Variants in ALS2CL observed in about 807,000 individuals in gnomAD.
ALS2CL encodes ALS2 C-terminal like.
ALS2CL carries 112 observed loss-of-function variants against 127.9 expected under a neutral mutation model. The ratio of observed to expected loss-of-function variants is 0.88; its 90% confidence interval spans 0.75 to 1.02. The LOEUF (loss-of-function observed/expected upper bound fraction) is 1.02, where lower values mean the gene tolerates loss of function less well. Among genes scored for constraint, ALS2CL ranks in the 50% least tolerant of loss-of-function variants. The pLI, the probability that ALS2CL is intolerant of heterozygous loss-of-function variation, is 0.00. For synonymous variants in ALS2CL, 519 were observed against 527.6 expected (o/e 0.98, Z 0.22); for missense variants, 1,174 against 1,236.7 (o/e 0.95, Z 0.76).
In ALS2CL at chr3:46,675,905, T is replaced by G. The variant is rs566544173; in HGVS notation, c.2187-219A>C. 22 of 1,432,368 alleles carry G rather than the reference T, an allele frequency of 1.5e-5. No homozygotes were observed. In the African/African-American group the frequency reaches 3.0e-4, roughly 20 times the overall value. The allele number at this position is 1,432,368 out of a possible 1,614,324, so 88.7% of individuals were successfully genotyped here. A position where few individuals can be genotyped will look rare whatever the true frequency, so the allele number is the denominator to read the frequency against. ...GAACTATAGCATCTAAGGCTTCTATTTGCAGTGTTTCATGGGGTCACAGCC... is the reference window on the plus strand; with the variant it reads ...GAACTATAGCATCTAAGGCTTCTATGTGCAGTGTTTCATGGGGTCACAGCC... On this transcript the variant is annotated intron_variant, in intron 19 of 25. Transcript: ENST00000318962.
At chr3:46,690,275 G>C (rs1388252041) in intron 1 of ALS2CL, among the ~76,000 whole-genome samples, 1 of 152,250 alleles carries the variant, frequency 6.6e-6, no homozygotes, top group African/African-American at 2.4e-5. Context: ...CAGGCAGTGA[G>C]AGAGAGTTCA....
chr3:46,684,855 G>T (rs1379346195), intron 7 of ALS2CL, among the ~76,000 whole-genome samples: 1 of 152,234 alleles, frequency 6.6e-6, no homozygotes, highest in Non-Finnish European at 1.5e-5. Context: ...AGGGGACACA[G>T]GTCTAGGCTG....
intron 13 of ALS2CL, 96 bp from the exon 14 acceptor site, chr3:46,680,637 AG>A: frequency 9.5e-7 from 1 of 1,052,698 alleles, no homozygotes; most frequent in South Asian, 1.4e-5. Context: ...AGTGCAGATA[AG>A]GGGCAGTGAC....
chr3:46,682,116 C>G (rs1435703767), intron 10 of ALS2CL, 22 bp from the exon 11 acceptor site: 2 of 1,612,412 alleles, frequency 1.2e-6, no homozygotes, highest in South Asian at 2.2e-5. Flanking sequence ...TGGAGGTTCA[C>G]GAGCCTCAGG....
At chr3:46,687,182 C>A in intron 4 of ALS2CL, 34 bp from the exon 5 acceptor site, 1 of 1,493,170 alleles carries the variant, frequency 6.7e-7, no homozygotes, top group South Asian at 1.3e-5. Context: ...CCACCTTCAC[C>A]CCTTCCTCCA....
At position 46,671,890 on chromosome 3, in the gene ALS2CL, C is replaced by T. The variant is rs143737668; in HGVS notation, c.2678G>A (p.Arg893His). 40 of 1,613,580 alleles carry T rather than the reference C, an allele frequency of 2.5e-5. No individual in the cohort carries two copies. The highest frequency in any genetic ancestry group is 3.0e-5 in the Non-Finnish European group (35 of 1,179,988). ...LLPLLIYVVS[R>H]ARIQHLGAEI... ...CAGCTCCTGACTGCCTCACCGGGCG[C>T]GCGACACCACGTAGATGAGAAGTGG... Residue 893 changes from arginine to histidine, a missense_variant, in exon 24 of 26, where the codon CGC becomes CAC. By Grantham distance (29) the Arg-to-His change is conservative. Coordinates refer to ENST00000318962, the MANE Select transcript of ALS2CL (RefSeq NM_147129.5).
chr3:46,676,459 A>G (rs1310670623), intron 18 of ALS2CL, 57 bp from the exon 19 acceptor site: 6 of 1,606,270 alleles, frequency 3.7e-6, no homozygotes, highest in Non-Finnish European at 5.1e-6. Context: ...GGAGCACAGC[A>G]TGCCCACACC....
Position 46,687,095 on chromosome 3 carries a change from C to A in ALS2CL, c.422G>T (p.Ser141Ile). 6.3e-7 allele frequency: 1 copy of A among 1,587,782 alleles called. No individual in the cohort carries two copies. Among genetic ancestry groups the A allele is most frequent in the Non-Finnish European group, 8.5e-7 (1 of 1,174,142 alleles). ...CGATGCGCCCACCGAGCCCTCTGAG[C>A]TCACACCTGAAAGCAGCTGCCGCAG... ...KALRQLLSGVSSEGSVGASLG... is the reference protein window; with the variant it reads ...KALRQLLSGVISEGSVGASLG... Residue 141 changes from serine (S) to isoleucine (I), a missense_variant, in exon 5 of 26, where the codon AGC becomes ATC. Transcript: ENST00000318962.
chr3:46,676,466 C>A, intron 18 of ALS2CL, 64 bp from the exon 19 acceptor site: 1 of 1,603,208 alleles, frequency 6.2e-7, no homozygotes, highest in Non-Finnish European at 8.5e-7. Context: ...AGCATGCCCA[C>A]ACCAGCCTCC....
intron 1 of ALS2CL, among the ~76,000 whole-genome samples, chr3:46,692,122 G>A (rs1700193904): frequency 6.6e-6 from 1 of 152,210 alleles, no homozygotes; most frequent in African/African-American, 2.4e-5. Flanking sequence ...AGCATGGCTG[G>A]TGAGGCAGTG....
intron 1 of ALS2CL, among the ~76,000 whole-genome samples, chr3:46,690,170 T>C (rs1269001218): frequency 6.6e-6 from 1 of 152,152 alleles, no homozygotes; most frequent in Non-Finnish European, 1.5e-5. Flanking sequence ...CAGTCGGCCG[T>C]GGACAGCCAT....
rs758079880 is a variant in ALS2CL, at chr3:46,670,946, C to A, written c.*38G>T. On this transcript the variant is annotated 3_prime_UTR_variant, in exon 26 of 26. Coordinates refer to ENST00000318962, the MANE Select transcript of ALS2CL (RefSeq NM_147129.5). This position sits in a 1 kb window ranked among gnomAD's most constrained non-coding sequence, Gnocchi z 5.5. ...GGTAATGAGGGACAGGCTGGCAGTG[C>A]CCTGCTCAGCTCTTCAGTCTGTCCA... 6.3e-7 allele frequency: 1 copy of A among 1,582,762 alleles called. No homozygotes were observed. Among genetic ancestry groups the A allele is most frequent in the East Asian group, 2.2e-5 (1 of 44,746 alleles).
chr3:46,677,107 T>G lies in ALS2CL; in HGVS notation c.1758-85A>C, dbSNP rs1023835004. ...GACTCTGCCCAGGCCCTTGGAGGGG[T>G]GGGGGTATGAGCCTGGCCCAGGATC... On this transcript the variant is annotated intron_variant, in intron 16 of 25. Transcript: ENST00000318962. The G allele has an allele frequency of 4.6e-6, 7 of 1,507,358 alleles. No homozygotes were observed. In the African/African-American group the frequency reaches 9.8e-5, roughly 21 times the overall value. 93.4% of individuals were successfully genotyped at this position (1,507,358 alleles called of 1,614,324 possible).
intron 4 of ALS2CL, 95 bp from the exon 5 acceptor site, chr3:46,687,243 C>T: frequency 7.3e-7 from 1 of 1,363,380 alleles, no homozygotes; most frequent in Non-Finnish European, 9.7e-7. Context: ...CCCTCAGATC[C>T]CAGGGCCAGC....
chr3:46,675,569 T>A, intron 20 of ALS2CL, 49 bp downstream of exon 20: 1 of 1,582,766 alleles, frequency 6.3e-7, no homozygotes. Flanking sequence ...AGCAGACGCA[T>A]GAGGCCTCCC....
rs1400873032 is a variant in ALS2CL, at chr3:46,677,029, T to A, written c.1758-7A>T. On this transcript the variant is annotated splice_polypyrimidine_tract_variant and splice_region_variant and intron_variant, in intron 16 of 25. Transcript: ENST00000318962. Reference sequence around the variant, plus strand: ...GGCACCCACGCCCAGCTGCCTGCGATGGGGATGGAGGGTGGGTGATGGGGC... The same window carrying A: ...GGCACCCACGCCCAGCTGCCTGCGAAGGGGATGGAGGGTGGGTGATGGGGC... The A allele has an allele frequency of 5.6e-6, 9 of 1,595,044 alleles. No individual in the cohort carries two copies. The highest frequency in any genetic ancestry group is 7.7e-6 in the Non-Finnish European group (9 of 1,171,212).
At position 46,683,145 on chromosome 3, in the gene ALS2CL, C is replaced by G; in HGVS notation, c.1094G>C (p.Gly365Ala). 1.3e-6 allele frequency: 2 copies of G among 1,594,026 alleles called. No homozygotes were observed. Among genetic ancestry groups the G allele is most frequent in the Non-Finnish European group, 1.7e-6 (2 of 1,170,416 alleles). The part of the protein sequence containing the change: ...QATYEGEWCR[G>A]RPHGKGTLKW... ...AGCCACTCACTTGCCGTGGGGCCGG[C>G]CCCTGCACCACTCGCCCTCGTAGGT... is the stretch of plus-strand genomic sequence containing the variant. The change falls in exon 10 of 26, where the codon GGC becomes GCC. Residue 365 changes from glycine (G) to alanine (A), a missense_variant. Coordinates refer to ENST00000318962, the MANE Select transcript of ALS2CL (RefSeq NM_147129.5).
chr3:46,688,245 T>C lies in ALS2CL; in HGVS notation c.155A>G (p.Gln52Arg), dbSNP rs1429382526. Reference protein sequence around the residue: ...WGRECLRLLQQLHKSSQQLWE... With the variant: ...WGRECLRLLQRLHKSSQQLWE... The stretch of plus-strand genomic sequence containing the variant: ...GAGTTGCTGGGAGCTCTTGTGCAGC[T>C]GTTGCAAGAGCCGCAGGCACTCTCT... Residue 52 changes from glutamine to arginine, a missense_variant, in exon 3 of 26, where the codon CAG (glutamine) becomes CGG (arginine). Physicochemically the swap from Gln to Arg is conservative, Grantham distance 43. Coordinates refer to ENST00000318962, the MANE Select transcript of ALS2CL (RefSeq NM_147129.5). 5 of 1,612,936 alleles carry C rather than the reference T, an allele frequency of 3.1e-6. No homozygotes were observed. Among genetic ancestry groups the C allele is most frequent in the Non-Finnish European group, 4.2e-6 (5 of 1,179,984 alleles).
rs1366831038 is a variant in ALS2CL at position 46,681,278 on chromosome 3, C to T, written c.1404G>A (p.Arg468=). The T allele has an allele frequency of 1.2e-6, 2 of 1,614,012 alleles. No individual in the cohort carries two copies. Among genetic ancestry groups the T allele is most frequent in the East Asian group, 4.5e-5 (2 of 44,858 alleles). ...RYTGHWERGQ[R]SGYGIEEDGD... is the part of the protein sequence containing the mutation. ...CATCCTCCTCAATGCCATAGCCGCT[C>T]CTCTGGCCCCTCTCCCAGTGGCCCG... The change falls in exon 13 of 26, where the codon AGG becomes AGA. Residue 468 remains arginine (R), a synonymous_variant. Coordinates refer to ENST00000318962, the MANE Select transcript of ALS2CL (RefSeq NM_147129.5). This position sits in a 1 kb window ranked among gnomAD's most constrained non-coding sequence, Gnocchi z 4.9.
Sources: allele counts gnomAD v4.1 joint callset (sites outside exome capture counted in the v4.1 genomes callset), GRCh38; gene constraint gnomAD v4.1.1; non-coding constraint Gnocchi (gnomAD v3.1); transcripts MANE v1.5; gene names NCBI Gene and HGNC (gene_info 2026-07-23, HGNC 2026-07-21).